The following PIKFYVE variants were observed in gnomAD, a reference collection of about 807,000 sequenced individuals.
PIKFYVE encodes the protein 1-phosphatidylinositol 3-phosphate 5-kinase.
In PIKFYVE, 122 loss-of-function variants were observed where a neutral mutation model predicts 257.9. That is an observed-to-expected ratio of 0.47 (90% CI 0.41 to 0.55). The LOEUF is 0.55. Among genes scored for constraint, PIKFYVE ranks in the 20% least tolerant of loss-of-function variants. The pLI is 0.00. For synonymous variants in PIKFYVE, 892 were observed against 868.9 expected (o/e 1.03, Z -0.47); for missense variants, 2,160 against 2,536.6 (o/e 0.85, Z 3.19).
chr2:208,334,996 G>A (rs1395752761), intron 24 of PIKFYVE, among the ~76,000 whole-genome samples: 1 of 152,116 alleles, frequency 6.6e-6, no homozygotes, highest in Non-Finnish European at 1.5e-5. Flanking sequence ...TTAGGTGTAG[G>A]TATTTTAGTT....
At chr2:208,268,791 C>CT (rs1306179482) in intron 1 of PIKFYVE, among the ~76,000 whole-genome samples, 8 of 151,286 alleles carry the variant, frequency 5.3e-5, no homozygotes, top group Non-Finnish European at 1.0e-4. Flanking sequence ...TCCTCTTTTT[C>CT]TTCCCCCCCC....
intron 7 of PIKFYVE, among the ~76,000 whole-genome samples, chr2:208,289,283 G>A (rs1040220176): frequency 3.3e-5 from 5 of 152,220 alleles, no homozygotes; most frequent in Admixed American, 2.0e-4. Flanking sequence ...ATTTTTTGTC[G>A]TTAATTTTTA....
intron 7 of PIKFYVE, among the ~76,000 whole-genome samples, chr2:208,291,059 C>T (rs1318580695): frequency 6.6e-6 from 1 of 152,170 alleles, no homozygotes; most frequent in Non-Finnish European, 1.5e-5. Context: ...TGAGAGGGGA[C>T]ATCCTTTCCT....
rs1394789844 is a variant in PIKFYVE at position 208,298,760 on chromosome 2, A to T, written c.1031A>T (p.Asp344Val). The change falls in exon 8 of 42, where the codon GAT becomes GTT. Residue 344 changes from aspartate to valine, a missense_variant. Physicochemically the swap from Asp to Val is radical, Grantham distance 152. Transcript: ENST00000264380. Reference sequence around the variant, plus strand: ...TATGTTAGGACAGAGACCACTGAGGATGAACGCAAAATTCTTCTGGTACTG... The same window carrying T: ...TATGTTAGGACAGAGACCACTGAGGTTGAACGCAAAATTCTTCTGGTACTG... ...RTYVRTETTE[D>V]ERKILLDSVQ... The T allele has an allele frequency of 1.2e-6, 2 of 1,614,122 alleles. No homozygotes were observed. The highest frequency in any genetic ancestry group is 8.5e-7 in the Non-Finnish European group (1 of 1,179,984).
At chr2:208,271,455 C>A (rs1357562197) in intron 1 of PIKFYVE, 56 bp from the exon 2 acceptor site, 2 of 1,537,538 alleles carry the variant, frequency 1.3e-6, no homozygotes, top group African/African-American at 1.4e-5. Context: ...TGTTTGGAAT[C>A]AACTTTTGAG....
intron 3 of PIKFYVE, 22 bp downstream of exon 3, chr2:208,273,755 A>C (rs1689733785): frequency 6.2e-7 from 1 of 1,612,972 alleles, no homozygotes; most frequent in East Asian, 2.2e-5. Context: ...TTCTTATTTC[A>C]TTCCCTTCTA....
Position 208,347,884 on chromosome 2 carries a change from C to G in PIKFYVE, c.5235C>G (p.Ser1745=), listed in dbSNP as rs780713856. 1 of 1,613,496 alleles carries G rather than the reference C, an allele frequency of 6.2e-7. No individual in the cohort carries two copies. The highest frequency in any genetic ancestry group is 8.5e-7 in the Non-Finnish European group (1 of 1,179,772). Residue 1745 remains serine, a synonymous_variant, in exon 35 of 42, where the codon TCC becomes TCG. Coordinates refer to ENST00000264380, the MANE Select transcript of PIKFYVE (RefSeq NM_015040.4). ...QPTKKASGML[S]FFRGTAGKSP... ...CCAAAAAGGCTTCTGGAATGTTGTC[C>G]TTCTTCAGAGGGACAGCAGGGAAAA...
In PIKFYVE at chr2:208,351,360, T is replaced by C; in HGVS notation, c.5620T>C (p.Phe1874Leu). The part of the protein sequence containing the change: ...AAFYATEDDR[F>L]ILKQMPRLEV... ...AAATTTCTGCCTTTTAGATGATAGA[T>C]TTATTTTGAAGCAAATGCCTCGTCT... The change falls in exon 38 of 42, where the codon TTT becomes CTT. Residue 1874 changes from phenylalanine to leucine, a missense_variant. Transcript: ENST00000264380. The C allele has an allele frequency of 6.2e-7, 1 of 1,612,320 alleles. No individual in the cohort carries two copies. Among genetic ancestry groups the C allele is most frequent in the Non-Finnish European group, 8.5e-7 (1 of 1,178,374 alleles).
chr2:208,317,221 C>T lies in PIKFYVE; in HGVS notation c.2008-646C>T, dbSNP rs377708572. Among the ~76,000 whole-genome samples, 476 of 151,788 alleles carry T rather than the reference C, an allele frequency of 3.1e-3. 1 individual carries two copies. The highest frequency in any genetic ancestry group is 0.012 in the East Asian group (61 of 5,162). Reference sequence around the variant, plus strand: ...AACCTACAAAATGGGAGAAAATTTTCGCAACCTACTCATCTGACAAAGGGC... The same window carrying T: ...AACCTACAAAATGGGAGAAAATTTTTGCAACCTACTCATCTGACAAAGGGC... On this transcript the variant is annotated intron_variant, in intron 15 of 41. Coordinates refer to ENST00000264380, the MANE Select transcript of PIKFYVE (RefSeq NM_015040.4).
chr2:208,321,575 G>GTTTTTTTT (rs869195257), intron 17 of PIKFYVE, among the ~76,000 whole-genome samples: 2 of 143,086 alleles, frequency 1.4e-5, no homozygotes, highest in South Asian at 2.1e-4. Context: ...CTTTTCTTTT[G>GTTTTTTTT]TTTTTTTTTT....
intron 23 of PIKFYVE, among the ~76,000 whole-genome samples, chr2:208,331,426 G>A (rs917303510): frequency 1.3e-5 from 2 of 152,076 alleles, no homozygotes; most frequent in African/African-American, 4.8e-5. Flanking sequence ...CGCCCGGTCT[G>A]GAGTGCAGTC....
chr2:208,317,713 G>A (rs1416915308), intron 15 of PIKFYVE, among the ~76,000 whole-genome samples, 154 bp from the exon 16 acceptor site: 2 of 152,138 alleles, frequency 1.3e-5, no homozygotes, highest in Admixed American at 6.5e-5. Flanking sequence ...GCCATTGATC[G>A]TTGGTTGAAA....
intron 1 of PIKFYVE, among the ~76,000 whole-genome samples, chr2:208,266,811 C>T (rs1688696383): frequency 6.6e-6 from 1 of 152,212 alleles, no homozygotes; most frequent in African/African-American, 2.4e-5. Context: ...AAAGAAAGTT[C>T]ATGAGCTGCA....
At position 208,304,773 on chromosome 2, in the gene PIKFYVE, C is replaced by T. The variant is rs1694115074; in HGVS notation, c.1469-73C>T. ...TAAAAAAACATTTTTCTCCTTTCCT[C>T]CAATACCCTGATAAAACCCATTTTT... On this transcript the variant is annotated intron_variant, in intron 11 of 41. Coordinates refer to ENST00000264380, the MANE Select transcript of PIKFYVE (RefSeq NM_015040.4). 6 of 1,437,226 alleles carry T rather than the reference C, an allele frequency of 4.2e-6. No individual in the cohort carries two copies. The Admixed American group carries it at 5.0e-5, about 12-fold the overall frequency. 89.0% of individuals were successfully genotyped at this position (1,437,226 alleles called of 1,614,324 possible).
chr2:208,314,461 T>C, intron 14 of PIKFYVE, 38 bp downstream of exon 14: 1 of 1,584,800 alleles, frequency 6.3e-7, no homozygotes, highest in Non-Finnish European at 8.6e-7. Context: ...TTTTTCACTT[T>C]TATTATCTTC....
chr2:208,311,926 T>C (rs550495348), intron 12 of PIKFYVE, among the ~76,000 whole-genome samples: 2 of 152,218 alleles, frequency 1.3e-5, no homozygotes, highest in Non-Finnish European at 2.9e-5. Flanking sequence ...TCTGAAGATT[T>C]AATTTTCATA....
intron 10 of PIKFYVE, among the ~76,000 whole-genome samples, chr2:208,303,242 C>T (rs574182366): frequency 1.3e-5 from 2 of 149,758 alleles, no homozygotes; most frequent in Non-Finnish European, 3.0e-5. Flanking sequence ...TATATATACA[C>T]ACACACACAT....
chr2:208,334,440 GCT>G (rs1161436625), intron 24 of PIKFYVE: 2 of 152,906 alleles, frequency 1.3e-5, no homozygotes, highest in Non-Finnish European at 1.5e-5. Flanking sequence ...ACCTCCTACT[GCT>G]CTCTCTTCAC....
intron 34 of PIKFYVE, among the ~76,000 whole-genome samples, chr2:208,346,902 G>A (rs1699281090): frequency 6.6e-6 from 1 of 152,204 alleles, no homozygotes. Context: ...CAAGGGTGTT[G>A]CAAGCTGCCG....
Sources: gnomAD v4.1 joint callset for allele counts (sites outside exome capture counted in the v4.1 genomes callset) on GRCh38, gnomAD v4.1.1 for gene constraint, MANE v1.5 for transcripts, NCBI Gene and HGNC (gene_info 2026-07-23, HGNC 2026-07-21) for gene names.